The following GRID2 variants were observed in gnomAD, a reference collection of about 807,000 sequenced individuals.
GRID2 encodes glutamate receptor ionotropic, delta-2.
Under a neutral mutation model 114.8 loss-of-function variants are expected in GRID2, and 33 were observed. The observed-to-expected ratio is 0.29, with a 90% CI of 0.22 to 0.38. The LOEUF (loss-of-function observed/expected upper bound fraction) is 0.38. GRID2 is among the 10% of genes least tolerant of loss of function. The pLI is 1.00. For synonymous variants in GRID2, 505 were observed against 449.9 expected (o/e 1.12, Z -1.55); for missense variants, 1,184 against 1,257.7 (o/e 0.94, Z 0.89).
intron 2 of GRID2, among the ~76,000 whole-genome samples, chr4:92,621,832 G>C (rs1730291158): frequency 6.6e-6 from 1 of 151,784 alleles, no homozygotes; most frequent in Non-Finnish European, 1.5e-5. Flanking sequence ...TGATAATGAT[G>C]AAGGTAAATA....
At position 92,546,072 on chromosome 4, in the gene GRID2, C is replaced by T. The variant is rs142913237; in HGVS notation, c.89-44059C>T. Reference sequence around the variant, plus strand: ...ATACACCAAGGCCTAGCTTCCCTATCACAATCTGCCTGTTCAGGGAAGGGA... The same window carrying T: ...ATACACCAAGGCCTAGCTTCCCTATTACAATCTGCCTGTTCAGGGAAGGGA... On this transcript the variant is annotated intron_variant, in intron 1 of 15. Coordinates refer to ENST00000282020, the MANE Select transcript of GRID2 (RefSeq NM_001510.4). Among the ~76,000 whole-genome samples the T allele has an allele frequency of 8.0e-3, 1,213 of 152,266 alleles. 18 individuals are homozygous for T. The highest frequency in any genetic ancestry group is 0.026 in the African/African-American group (1,076 of 41,546).
intron 11 of GRID2, among the ~76,000 whole-genome samples, chr4:93,457,782 T>C (rs980775257): frequency 6.6e-6 from 1 of 152,106 alleles, no homozygotes; most frequent in Non-Finnish European, 1.5e-5. Flanking sequence ...ATTATGTATA[T>C]TGGATGTGGA....
intron 2 of GRID2, among the ~76,000 whole-genome samples, chr4:92,854,430 C>T (rs1359294750): frequency 6.6e-6 from 1 of 151,948 alleles, no homozygotes; most frequent in Admixed American, 6.6e-5. Flanking sequence ...ATTTGCTTAT[C>T]TGTGCTTGAG....
At chr4:93,210,986 A>C (rs1743399578) in intron 5 of GRID2, among the ~76,000 whole-genome samples, 1 of 152,090 alleles carries the variant, frequency 6.6e-6, no homozygotes, top group Non-Finnish European at 1.5e-5. Context: ...AATCAACCTT[A>C]CTAGAAAAAT....
intron 2 of GRID2, among the ~76,000 whole-genome samples, chr4:92,713,296 ATATTCTAACT>A (rs1339193714): frequency 6.6e-6 from 1 of 151,380 alleles, no homozygotes; most frequent in Non-Finnish European, 1.5e-5. Context: ...AAGAGCTAAA[ATATTCTAACT>A]TACCGGAATA....
At chr4:92,896,791 G>A (rs1211610707) in intron 2 of GRID2, among the ~76,000 whole-genome samples, 2 of 152,240 alleles carry the variant, frequency 1.3e-5, no homozygotes, top group African/African-American at 4.8e-5. Flanking sequence ...CGCCCAGGCT[G>A]GAGTGCAGTG....
At chr4:93,793,060 A>T (rs1184458497) in intron 1 of GRID2, among the ~76,000 whole-genome samples, 1 of 152,246 alleles carries the variant, frequency 6.6e-6, no homozygotes, top group African/African-American at 2.4e-5. Flanking sequence ...TGTTTTCTAA[A>T]TAAAACCTTA....
intron 10 of GRID2, among the ~76,000 whole-genome samples, chr4:93,453,316 A>AAGAGAGAGAGAGAGAGAGAGAGAGAGAG (rs3044025): frequency 7.9e-6 from 1 of 127,210 alleles, no homozygotes; most frequent in Non-Finnish European, 1.6e-5. Context: ...AGAGATGGGA[A>AAGAGAGAGAGAGAGAGAGAGAGAGAGAG]AGAGAGAGAG....
rs569990841 is a variant in GRID2 at position 92,451,349 on chromosome 4, G to T, written c.89-138782G>T. ...TTTGTCTAGAATCACGCTCAATTTAGAAAGGATTCATCTAAGGGAATGAAG... is the reference window on the plus strand; with the variant it reads ...TTTGTCTAGAATCACGCTCAATTTATAAAGGATTCATCTAAGGGAATGAAG... On this transcript the variant is annotated intron_variant, in intron 1 of 15. Coordinates refer to ENST00000282020, the MANE Select transcript of GRID2 (RefSeq NM_001510.4). Among the ~76,000 whole-genome samples, 4 of 152,206 alleles carry T rather than the reference G, an allele frequency of 2.6e-5. No individual in the cohort carries two copies. In the South Asian group the frequency reaches 8.3e-4, roughly 32 times the overall value.
chr4:92,751,667 A>G (rs1737460931), intron 2 of GRID2, among the ~76,000 whole-genome samples: 2 of 152,168 alleles, frequency 1.3e-5, no homozygotes, highest in Admixed American at 6.5e-5. Flanking sequence ...CTTTGCCTTC[A>G]ATGTCAGACA....
chr4:93,626,705 A>C (rs935984134), intron 14 of GRID2, among the ~76,000 whole-genome samples: 14 of 152,242 alleles, frequency 9.2e-5, no homozygotes, highest in Non-Finnish European at 1.3e-4. Flanking sequence ...AAAAGAAAGT[A>C]GGTGTGTTAG....
At chr4:92,315,993 C>CAAAAAAAAAAAAAAAAA (rs778361565) in intron 1 of GRID2, among the ~76,000 whole-genome samples, 7 of 61,914 alleles carry the variant, frequency 1.1e-4, no homozygotes, top group African/African-American at 3.7e-4. Flanking sequence ...AAACAAAAAG[C>CAAAAAAAAAAAAAAAAA]AAAAAAAAAA....
At chr4:92,541,614 A>G (rs1725961463) in intron 1 of GRID2, among the ~76,000 whole-genome samples, 2 of 152,106 alleles carry the variant, frequency 1.3e-5, no homozygotes, top group African/African-American at 4.8e-5. Context: ...ATGATTTGGT[A>G]TGCCTAAATA....
At chr4:93,624,260 A>G (rs1172888166) in intron 13 of GRID2, among the ~76,000 whole-genome samples, 3 of 152,166 alleles carry the variant, frequency 2.0e-5, no homozygotes, top group Non-Finnish European at 4.4e-5. Context: ...TCTTGAATAT[A>G]TCATCAAATA....
exon 2 of GRID2, chr4:93,807,459 C>A (rs1286929419): frequency 6.6e-6 from 1 of 152,178 alleles, no homozygotes; most frequent in Non-Finnish European, 1.5e-5. Context: ...CCAAAATTGG[C>A]TACTTTCCTC....
chr4:92,474,314 T>C (rs892106728), intron 1 of GRID2, among the ~76,000 whole-genome samples: 1 of 152,088 alleles, frequency 6.6e-6, no homozygotes, highest in Non-Finnish European at 1.5e-5. Flanking sequence ...CATAATGTCC[T>C]CCAGTTTCAT....
Position 92,980,759 on chromosome 4 carries a change from A to G in GRID2, c.245-104236A>G, listed in dbSNP as rs928007646. ...GAATTATTAGACCTATGTGCAATGTAGAAAAGCATTGAAACTCATTTCAAA... is the reference window on the plus strand; with the variant it reads ...GAATTATTAGACCTATGTGCAATGTGGAAAAGCATTGAAACTCATTTCAAA... On this transcript the variant is annotated intron_variant, in intron 2 of 15. Coordinates refer to ENST00000282020, the MANE Select transcript of GRID2 (RefSeq NM_001510.4). Among the ~76,000 whole-genome samples the G allele has an allele frequency of 8.5e-5, 13 of 152,304 alleles. 1 individual carries two copies. The Middle Eastern group carries it at 0.017, about 199-fold the overall frequency.
chr4:92,569,379 A>G (rs1254626480), intron 1 of GRID2, among the ~76,000 whole-genome samples: 1 of 152,000 alleles, frequency 6.6e-6, no homozygotes, highest in Non-Finnish European at 1.5e-5. Context: ...ACATTGATGA[A>G]TGTTTAGGTT....
chr4:92,886,991 C>G (rs1746422961), intron 2 of GRID2, among the ~76,000 whole-genome samples: 1 of 152,266 alleles, frequency 6.6e-6, no homozygotes, highest in Admixed American at 6.5e-5. Flanking sequence ...AATATTATTG[C>G]TTCCCTTTTA....
Sources: allele counts gnomAD v4.1 joint callset (sites outside exome capture counted in the v4.1 genomes callset), GRCh38; gene constraint gnomAD v4.1.1; transcripts MANE v1.5; gene names NCBI Gene and HGNC (gene_info 2026-07-23, HGNC 2026-07-21).